Variants in MAP4K5 observed in about 807,000 individuals in gnomAD.
MAP4K5 encodes the protein MAPK/ERK kinase kinase kinase 5.
Under a neutral mutation model 135.6 loss-of-function variants are expected in MAP4K5, and 82 were observed. That is an observed-to-expected ratio of 0.60 (90% confidence interval 0.51 to 0.73). The LOEUF (loss-of-function observed/expected upper bound fraction) is 0.73. MAP4K5 is among the 30% of genes least tolerant of loss of function. The probability of loss-of-function intolerance (pLI) is 0.00; values close to 1 mark genes in which losing one functional copy is unlikely to be tolerated. For synonymous variants in MAP4K5, 347 were observed against 335.0 expected (o/e 1.04, Z -0.39); for missense variants, 907 against 1,010.9 (o/e 0.90, Z 1.39).
At chr14:50,514,539 A>C (rs2037993900) in intron 2 of MAP4K5, among the ~76,000 whole-genome samples, 1 of 152,248 alleles carries the variant, frequency 6.6e-6, no homozygotes, top group African/African-American at 2.4e-5. Context: ...AGGGAAGAGT[A>C]AATACTACAG....
chr14:50,474,167 T>C (rs957073699), intron 9 of MAP4K5, among the ~76,000 whole-genome samples: 2 of 151,936 alleles, frequency 1.3e-5, no homozygotes, highest in East Asian at 3.9e-4. Flanking sequence ...CTTTGGGAGG[T>C]AGATCACTTG....
At chr14:50,456,885 C>A (rs974329678) in intron 13 of MAP4K5, 2 of 287,474 alleles carry the variant, frequency 7.0e-6, no homozygotes, top group South Asian at 7.2e-5. Flanking sequence ...ATGGCAAGTG[C>A]CTTTCATTAA....
intron 30 of MAP4K5, among the ~76,000 whole-genome samples, chr14:50,426,869 A>C (rs1361084877): frequency 6.6e-6 from 1 of 152,270 alleles, no homozygotes; most frequent in Non-Finnish European, 1.5e-5. Flanking sequence ...TATTAGAGTT[A>C]GAAAAGCATA....
chr14:50,505,444 A>T (rs755434442), intron 2 of MAP4K5, among the ~76,000 whole-genome samples: 10 of 152,158 alleles, frequency 6.6e-5, no homozygotes, highest in Non-Finnish European at 1.2e-4. Flanking sequence ...TTTTCAAGTT[A>T]TAAAAATAGG....
intron 3 of MAP4K5, among the ~76,000 whole-genome samples, chr14:50,490,159 G>GTGTGTGTGTGTGTGTGTGTGTGTGTA (rs71441284): frequency 2.5e-4 from 35 of 138,006 alleles, no homozygotes; most frequent in East Asian, 6.6e-4. Context: ...GTGTGTGTGT[G>GTGTGTGTGTGTGTGTGTGTGTGTGTA]TAAGGGAACT....
intron 2 of MAP4K5, among the ~76,000 whole-genome samples, chr14:50,525,745 G>A (rs1271215349): frequency 6.6e-6 from 1 of 152,200 alleles, no homozygotes; most frequent in Non-Finnish European, 1.5e-5. Flanking sequence ...TCAGGAGGCT[G>A]AAGTGGGAGG....
chr14:50,447,555 C>T (rs1223176663), intron 15 of MAP4K5, 74 bp from the exon 16 acceptor site: 1 of 788,690 alleles, frequency 1.3e-6, no homozygotes, highest in African/African-American at 1.8e-5. Context: ...TTCAAGAAAA[C>T]ATTCCAGTGT....
chr14:50,487,597 A>G (rs901458548), intron 3 of MAP4K5, among the ~76,000 whole-genome samples: 1 of 152,204 alleles, frequency 6.6e-6, no homozygotes, highest in Admixed American at 6.5e-5. Context: ...CCTTAAACAT[A>G]AGTGTACGAA....
At position 50,434,375 on chromosome 14, in the gene MAP4K5, T is replaced by G. The variant is rs1286714811; in HGVS notation, c.2164+19A>C. The G allele has an allele frequency of 6.4e-7, 1 of 1,569,206 alleles. No individual in the cohort carries two copies. Among genetic ancestry groups the G allele is most frequent in the East Asian group, 2.3e-5 (1 of 43,968 alleles). On this transcript the variant is annotated intron_variant, in intron 28 of 32. Transcript: ENST00000682126. ...AGGCAAAAATATCAATATTCTAACATAAGGTAAAAAATACTTACCTGCACC... is the reference window on the plus strand; with the variant it reads ...AGGCAAAAATATCAATATTCTAACAGAAGGTAAAAAATACTTACCTGCACC...
chr14:50,522,004 A>G (rs2140094030), intron 2 of MAP4K5, among the ~76,000 whole-genome samples: 3 of 152,334 alleles, frequency 2.0e-5, no homozygotes, highest in Middle Eastern at 3.4e-3. Flanking sequence ...GCTTGTTAAT[A>G]GAGTTCATGT....
intron 2 of MAP4K5, among the ~76,000 whole-genome samples, chr14:50,515,257 T>C (rs932768848): frequency 6.6e-6 from 1 of 152,150 alleles, no homozygotes; most frequent in Non-Finnish European, 1.5e-5. Context: ...TTCCTCTCTA[T>C]CCTTTCTCTT....
chr14:50,509,162 C>T (rs1458433983), intron 2 of MAP4K5, among the ~76,000 whole-genome samples: 1 of 147,564 alleles, frequency 6.8e-6, no homozygotes, highest in Non-Finnish European at 1.5e-5. Flanking sequence ...TATTCTCACT[C>T]ATAGGTGGGA....
At chr14:50,502,839 G>A (rs1418924149) in intron 3 of MAP4K5, among the ~76,000 whole-genome samples, 6 of 152,180 alleles carry the variant, frequency 3.9e-5, no homozygotes, top group Non-Finnish European at 7.4e-5. Context: ...TGAATCTATA[G>A]TAATGGCTTT....
At position 50,489,329 on chromosome 14, in the gene MAP4K5, C is replaced by G. The variant is rs140146697; in HGVS notation, c.167-3135G>C. ...CGCCACTGCACTTCAGACTGGGGAACAGAGTGAGAGTCTGTCTCCAAAGAA... is the reference window on the plus strand; with the variant it reads ...CGCCACTGCACTTCAGACTGGGGAAGAGAGTGAGAGTCTGTCTCCAAAGAA... On this transcript the variant is annotated intron_variant, in intron 3 of 32. Transcript: ENST00000682126. Among the ~76,000 whole-genome samples the G allele has an allele frequency of 2.6e-5, 4 of 152,246 alleles. No homozygotes were observed. In the East Asian group the frequency reaches 7.7e-4, roughly 29 times the overall value.
intron 14 of MAP4K5, among the ~76,000 whole-genome samples, chr14:50,454,956 A>T (rs984001867): frequency 6.6e-5 from 10 of 152,148 alleles, no homozygotes; most frequent in African/African-American, 2.4e-4. Context: ...AACAGATATT[A>T]TCAAGATATA....
At chr14:50,433,804 T>C (rs1247266100) in intron 28 of MAP4K5, among the ~76,000 whole-genome samples, 2 of 152,100 alleles carry the variant, frequency 1.3e-5, no homozygotes, top group African/African-American at 4.8e-5. Context: ...AACAGGAAAC[T>C]AGCAAAATGG....
intron 2 of MAP4K5, among the ~76,000 whole-genome samples, chr14:50,523,804 T>C (rs981504462): frequency 6.6e-6 from 1 of 152,222 alleles, no homozygotes; most frequent in Admixed American, 6.5e-5. Flanking sequence ...ACCACAACAG[T>C]GTCTGCCCCA....
At chr14:50,439,212 C>A (rs576940645) in intron 23 of MAP4K5, among the ~76,000 whole-genome samples, 1 of 150,866 alleles carries the variant, frequency 6.6e-6, no homozygotes, top group African/African-American at 2.4e-5. Context: ...AAAATCTCTA[C>A]TAGAGAGAAA....
At chr14:50,462,166 CAT>C (rs1286180567) in intron 13 of MAP4K5, among the ~76,000 whole-genome samples, 6 of 152,150 alleles carry the variant, frequency 3.9e-5, no homozygotes, top group Non-Finnish European at 8.8e-5. Flanking sequence ...AAATAATATG[CAT>C]ATGTGTTGTG....
Sources: gnomAD v4.1 joint callset for allele counts (sites outside exome capture counted in the v4.1 genomes callset) on GRCh38, gnomAD v4.1.1 for gene constraint, MANE v1.5 for transcripts, NCBI Gene and HGNC (gene_info 2026-07-23, HGNC 2026-07-21) for gene names.